Variants in SLC45A1 observed in about 807,000 individuals in gnomAD.
SLC45A1 encodes the protein proton-associated sugar transporter A.
A neutral mutation model predicts 57.6 loss-of-function variants in SLC45A1; 28 were observed. The observed-to-expected ratio is 0.49, with a 90% CI of 0.36 to 0.67. SLC45A1 has a LOEUF of 0.67. SLC45A1 is among the 30% of genes least tolerant of loss of function. SLC45A1 has a pLI of 0.00. For synonymous variants in SLC45A1, 459 were observed against 471.5 expected (o/e 0.97, Z 0.34); for missense variants, 814 against 1,041.5 (o/e 0.78, Z 3.01).
chr1:8,331,724 A>G (rs1015381731), intron 5 of SLC45A1, among the ~76,000 whole-genome samples: 1 of 151,906 alleles, frequency 6.6e-6, no homozygotes, highest in Non-Finnish European at 1.5e-5. Context: ...TCCACCTATG[A>G]GTGAGTGAGT....
At chr1:8,323,788 A>G (rs1030652486) in intron 1 of SLC45A1, among the ~76,000 whole-genome samples, 1 of 152,180 alleles carries the variant, frequency 6.6e-6, no homozygotes, top group Non-Finnish European at 1.5e-5. Context: ...TAGGGAGTGG[A>G]GAGGACTGGC....
rs1343834123 is a variant in SLC45A1 at position 8,324,312 on chromosome 1, C to T, written c.-18C>T. 6.2e-7 allele frequency: 1 copy of T among 1,606,736 alleles called. No individual in the cohort carries two copies. The highest frequency in any genetic ancestry group is 2.2e-5 in the East Asian group (1 of 44,726). ...CCACGGGCTTTCCTCACAGGGACGC[C>T]CACCAGCCCTCCCCACGATGATCCC... On this transcript the variant is annotated 5_prime_UTR_variant, in exon 2 of 9. Coordinates refer to ENST00000471889, the MANE Select transcript of SLC45A1 (RefSeq NM_001080397.3).
intron 8 of SLC45A1, 68 bp downstream of exon 8, chr1:8,339,766 C>A: frequency 7.2e-7 from 1 of 1,397,632 alleles, no homozygotes; most frequent in Non-Finnish European, 1.0e-6. Context: ...AACTGTCCCC[C>A]AGGACCAGCT....
intron 5 of SLC45A1, among the ~76,000 whole-genome samples, chr1:8,332,863 A>G (rs928486772): frequency 1.3e-5 from 2 of 152,194 alleles, no homozygotes; most frequent in African/African-American, 4.8e-5. Flanking sequence ...TAAAGTAGAC[A>G]TAAGAGTTGC....
In SLC45A1 at chr1:8,330,208, G is replaced by A; in HGVS notation, c.716-1G>A. The A allele has an allele frequency of 6.2e-7, 1 of 1,612,416 alleles. No homozygotes were observed. The highest frequency in any genetic ancestry group is 8.5e-7 in the Non-Finnish European group (1 of 1,178,996). On this transcript the variant is annotated splice_acceptor_variant, in intron 4 of 8. Transcript: ENST00000471889. LOFTEE classifies it high-confidence loss of function. This position sits in a 1 kb window ranked among gnomAD's most constrained non-coding sequence, Gnocchi z 8.4. ...AACTCAAACCCTGTCTCTTTCCCCA[G>A]GTCTCGGAGGAGGCTTTGGATACGT... is the stretch of plus-strand genomic sequence containing the variant.
chr1:8,329,620 G>A (rs910630301), intron 4 of SLC45A1, among the ~76,000 whole-genome samples: 4 of 152,236 alleles, frequency 2.6e-5, no homozygotes, highest in South Asian at 4.1e-4. Flanking sequence ...GCCCCGAGGC[G>A]TGGAATGAGA....
At chr1:8,329,857 C>G (rs370623537) in intron 4 of SLC45A1, among the ~76,000 whole-genome samples, 139 of 152,226 alleles carry the variant, frequency 9.1e-4, no homozygotes, top group African/African-American at 3.3e-3. Flanking sequence ...GAGGGGCCCT[C>G]GGAGGGAGGA....
In SLC45A1 at chr1:8,336,550, C is replaced by G. The variant is rs116471303; in HGVS notation, c.1597+960C>G. 5.4e-3 allele frequency among the ~76,000 whole-genome samples: 818 copies of G among 152,230 alleles called. 9 individuals are homozygous for G. Among genetic ancestry groups the G allele is most frequent in the African/African-American group, 0.019 (789 of 41,514 alleles). ...CCTACCTTTTTCCCCTATGACCTTA[C>G]TCAGTATTCCATGCAAGCCCATAAT... On this transcript the variant is annotated intron_variant, in intron 6 of 8. Coordinates refer to ENST00000471889, the MANE Select transcript of SLC45A1 (RefSeq NM_001080397.3).
Position 8,328,695 on chromosome 1 carries a change from C to T in SLC45A1, c.716-1514C>T, listed in dbSNP as rs533938403. 1.3e-5 allele frequency among the ~76,000 whole-genome samples: 2 copies of T among 152,064 alleles called. No individual in the cohort carries two copies. Among genetic ancestry groups the T allele is most frequent in the Admixed American group, 6.5e-5 (1 of 15,276 alleles). Reference sequence around the variant, plus strand: ...CTCTACTAAACATACAAAAATTAGCCGGGCGTGGTGGTGAGCGCCTGTAAT... The same window carrying T: ...CTCTACTAAACATACAAAAATTAGCTGGGCGTGGTGGTGAGCGCCTGTAAT... On this transcript the variant is annotated intron_variant, in intron 4 of 8. Coordinates refer to ENST00000471889, the MANE Select transcript of SLC45A1 (RefSeq NM_001080397.3). This position sits in a 1 kb window ranked among gnomAD's most constrained non-coding sequence, Gnocchi z 4.6.
At chr1:8,322,872 A>AC (rs2124288322) in intron 1 of SLC45A1, among the ~76,000 whole-genome samples, 1 of 149,826 alleles carries the variant, frequency 6.7e-6, no homozygotes, top group South Asian at 2.1e-4. Context: ...GAATCCTGGA[A>AC]CCCCCCACCC....
At position 8,324,668 on chromosome 1, in the gene SLC45A1, G is replaced by T; in HGVS notation, c.339G>T (p.Leu113=). 1 of 1,597,296 alleles carries T rather than the reference G, an allele frequency of 6.3e-7. No individual in the cohort carries two copies. The change falls in exon 2 of 9, where the codon CTG becomes CTT. Residue 113 remains leucine, a synonymous_variant. Transcript: ENST00000471889. ...CGGCGTACGTGACCCCGGTGCTCCT[G>T]CAGATGGGCCTGCCCGACCAGCTCT... The part of the protein sequence containing the change: ...METAYVTPVL[L]QMGLPDQLYS...
Position 8,324,621 on chromosome 1 carries a change from G to C in SLC45A1, c.292G>C (p.Glu98Gln). The change falls in exon 2 of 9, where the codon GAG (glutamate) becomes CAG (glutamine). Residue 98 changes from glutamate (E) to glutamine (Q), a missense_variant. Physicochemically the swap from Glu to Gln is conservative, Grantham distance 29 (BLOSUM62 2). Transcript: ENST00000471889. Reference sequence around the variant, plus strand: ...CAACGGCTGCATTCTCTTTGGCATCGAGTTCAGCTACGCCATGGAGACGGC... The same window carrying C: ...CAACGGCTGCATTCTCTTTGGCATCCAGTTCAGCTACGCCATGGAGACGGC... ...LFNGCILFGIEFSYAMETAYV... is the reference protein window; with the variant it reads ...LFNGCILFGIQFSYAMETAYV... 1 of 1,611,424 alleles carries C rather than the reference G, an allele frequency of 6.2e-7. No homozygotes were observed. Among genetic ancestry groups the C allele is most frequent in the Non-Finnish European group, 8.5e-7 (1 of 1,179,288 alleles).
At position 8,335,737 on chromosome 1, in the gene SLC45A1, G is replaced by C; in HGVS notation, c.1597+147G>C. The C allele has an allele frequency of 2.1e-6, 2 of 934,124 alleles. No individual in the cohort carries two copies. The highest frequency in any genetic ancestry group is 3.1e-6 in the Non-Finnish European group (2 of 655,474). 57.9% of individuals were successfully genotyped at this position (934,124 alleles called of 1,614,324 possible). ...ACAACAGCACCAAGGGCAGGCCTGG[G>C]GTGTGGTGGCTGCCCTGGAGGGCTT... On this transcript the variant is annotated intron_variant, in intron 6 of 8. Transcript: ENST00000471889. This position sits in a 1 kb window ranked among gnomAD's most constrained non-coding sequence, Gnocchi z 4.1.
chr1:8,343,084 T>TG lies in SLC45A1; in HGVS notation c.1981-657dup, dbSNP rs1252897484. Among the ~76,000 whole-genome samples, 1 of 152,068 alleles carries TG rather than the reference T, an allele frequency of 6.6e-6. No individual in the cohort carries two copies. The highest frequency in any genetic ancestry group is 2.4e-5 in the African/African-American group (1 of 41,410). Reference sequence around the variant, plus strand: ...CTGGCCCTGAGCACAGCCCTTCTGATGGGGGGAAGCCGCAGGGGAGGCCCA... The same window carrying TG: ...CTGGCCCTGAGCACAGCCCTTCTGATGGGGGGGAAGCCGCAGGGGAGGCCCA... On this transcript the variant is annotated intron_variant, in intron 8 of 8. Coordinates refer to ENST00000471889, the MANE Select transcript of SLC45A1 (RefSeq NM_001080397.3). This position sits in a 1 kb window ranked among gnomAD's most constrained non-coding sequence, Gnocchi z 7.7.
At position 8,325,782 on chromosome 1, in the gene SLC45A1, C is replaced by G. The variant is rs769070778; in HGVS notation, c.491-36C>G. On this transcript the variant is annotated intron_variant, in intron 3 of 8. Transcript: ENST00000471889. This position sits in a 1 kb window ranked among gnomAD's most constrained non-coding sequence, Gnocchi z 6.3. ...AGCTGCCGGGGACAGAGCTGGTCTG[C>G]ATTTTCTTGGGGTGACTTTGTTTCT... 6.3e-7 allele frequency: 1 copy of G among 1,585,186 alleles called. No individual in the cohort carries two copies.
intron 7 of SLC45A1, among the ~76,000 whole-genome samples, 153 bp downstream of exon 7, chr1:8,338,145 G>T (rs780010873): frequency 3.3e-5 from 5 of 152,242 alleles, no homozygotes; most frequent in Non-Finnish European, 7.3e-5. Flanking sequence ...AGGGCGCTGG[G>T]CCTGGGGGAG....
At chr1:8,333,009 C>G (rs1278603411) in intron 5 of SLC45A1, among the ~76,000 whole-genome samples, 1 of 150,794 alleles carries the variant, frequency 6.6e-6, no homozygotes, top group Non-Finnish European at 1.5e-5. Context: ...GCCTGGAGAT[C>G]TAGCCGAGGA....
chr1:8,343,780 G>T lies in SLC45A1; in HGVS notation c.2014G>T (p.Gly672Cys). The T allele has an allele frequency of 1.2e-6, 2 of 1,613,910 alleles. No individual in the cohort carries two copies. The highest frequency in any genetic ancestry group is 1.7e-6 in the Non-Finnish European group (2 of 1,179,900). ...AGSSADGTRR[G>C]MGVDISLLSC... ...GTCCAGTGCGGACGGCACCCGGCGG[G>T]GCATGGGCGTGGACATCTCTCTGCT... The change falls in exon 9 of 9, where the codon GGC becomes TGC. Residue 672 changes from glycine (G) to cysteine (C), a missense_variant. Physicochemically the swap from Gly to Cys is radical, Grantham distance 159 (BLOSUM62 -3). Transcript: ENST00000471889. This position sits in a 1 kb window ranked among gnomAD's most constrained non-coding sequence, Gnocchi z 7.7.
chr1:8,322,212 T>TGGGC (rs1640043832), intron 1 of SLC45A1, among the ~76,000 whole-genome samples: 1 of 133,380 alleles, frequency 7.5e-6, no homozygotes, highest in Non-Finnish European at 1.6e-5. Flanking sequence ...GGTGGATGGA[T>TGGGC]GGGTGGATGG....
Sources: allele counts gnomAD v4.1 joint callset (sites outside exome capture counted in the v4.1 genomes callset), GRCh38; gene constraint gnomAD v4.1.1; non-coding constraint Gnocchi (gnomAD v3.1); transcripts MANE v1.5; gene names NCBI Gene and HGNC (gene_info 2026-07-23, HGNC 2026-07-21).